BCAS3: variants seen among roughly 807,000 people sequenced by gnomAD.
The protein encoded by BCAS3 is BCAS4/BCAS3 fusion.
BCAS3 carries 53 observed loss-of-function variants against 116.1 expected under a neutral mutation model. The ratio of observed to expected loss-of-function variants is 0.46; its 90% CI spans 0.37 to 0.57. The LOEUF (loss-of-function observed/expected upper bound fraction) is 0.57. Ranked by LOEUF, BCAS3 falls within the 20% of genes least tolerant of loss-of-function variation. The pLI, the probability that BCAS3 is intolerant of heterozygous loss-of-function variation, is 0.00. For missense variants in BCAS3, 917 were observed against 1,165.4 expected (o/e 0.79, Z 3.10); for synonymous variants, 391 against 408.2 (o/e 0.96, Z 0.51).
rs549172370 is a variant in BCAS3, at chr17:60,961,423, A to G, written c.1221+14071A>G. ...CTGTCATGCAGGAGCTGCTGCTTCAATCTATAGGATCACAATAGTCACATT... is the reference window on the plus strand; with the variant it reads ...CTGTCATGCAGGAGCTGCTGCTTCAGTCTATAGGATCACAATAGTCACATT... On this transcript the variant is annotated intron_variant, in intron 14 of 23. Coordinates refer to ENST00000407086, the MANE Select transcript of BCAS3 (RefSeq NM_017679.5). The surrounding 1 kb of genome is among the most constrained non-coding windows in gnomAD (Gnocchi z 4.8). Among the ~76,000 whole-genome samples the G allele has an allele frequency of 1.6e-4, 24 of 152,148 alleles. No individual in the cohort carries two copies. The highest frequency in any genetic ancestry group is 2.5e-4 in the Non-Finnish European group (17 of 68,038).
intron 5 of BCAS3, chr17:60,727,234 G>T (rs1214797089): frequency 4.2e-6 from 4 of 951,376 alleles, no homozygotes; most frequent in Admixed American, 3.4e-5. Context: ...ATCTCTGAAT[G>T]ACCACCATCC....
Position 60,808,042 on chromosome 17 carries a change from C to G in BCAS3, c.442C>G (p.Leu148Val), listed in dbSNP as rs868267948. 1.9e-6 allele frequency: 3 copies of G among 1,609,354 alleles called. No homozygotes were observed. The highest frequency in any genetic ancestry group is 2.5e-6 in the Non-Finnish European group (3 of 1,177,616). ...KCDNFAEKRP[L>V]LGVCKSIGSS... is the part of the protein sequence containing the mutation. ...TGATAACTTTGCTGAAAAAAGACCC[C>G]TCCTTGGTGTTTGTAAGAGCATTGG... The change falls in exon 7 of 24, where the codon CTC becomes GTC. Residue 148 changes from leucine to valine, a missense_variant. Physicochemically the swap from Leu to Val is conservative, Grantham distance 32. Transcript: ENST00000407086.
intron 22 of BCAS3, among the ~76,000 whole-genome samples, chr17:61,133,793 C>T (rs971235838): frequency 7.1e-6 from 1 of 140,996 alleles, no homozygotes; most frequent in Non-Finnish European, 1.5e-5. Flanking sequence ...TCCTTAGCCT[C>T]CTGAAGCAAA....
rs951277395 is a variant in BCAS3 at position 60,967,421 on chromosome 17, T to G, written c.1221+20069T>G. ...CTGGGAAGTCTGTTGCCAGACAAAT[T>G]GGAGATACAGTGTTTGCTTCTTTTC... On this transcript the variant is annotated intron_variant, in intron 14 of 23. Transcript: ENST00000407086. The surrounding 1 kb of genome is among the most constrained non-coding windows in gnomAD (Gnocchi z 4.7). 7.2e-5 allele frequency among the ~76,000 whole-genome samples: 11 copies of G among 152,218 alleles called. No homozygotes were observed. The highest frequency in any genetic ancestry group is 4.6e-4 in the Admixed American group (7 of 15,284).
intron 22 of BCAS3, among the ~76,000 whole-genome samples, chr17:61,287,869 G>A (rs1296920647): frequency 6.6e-6 from 1 of 152,202 alleles, no homozygotes; most frequent in East Asian, 1.9e-4. Context: ...ATTGTTCTAA[G>A]TATTTTTGTT....
chr17:60,824,892 G>A (rs998699563), intron 7 of BCAS3, among the ~76,000 whole-genome samples: 2 of 152,172 alleles, frequency 1.3e-5, no homozygotes, highest in African/African-American at 2.4e-5. Flanking sequence ...TGGGCTGGGC[G>A]CAGTGGCTCT....
rs549613284 is a variant in BCAS3, at chr17:60,956,241, C to G, written c.1221+8889C>G. On this transcript the variant is annotated intron_variant, in intron 14 of 23. Transcript: ENST00000407086. The surrounding 1 kb of genome is among the most constrained non-coding windows in gnomAD (Gnocchi z 4.2). ...TAACTTGGTGTCTGTGTCCTTTTGA[C>G]ATATCTTCACCACTTTCTGAGCTTG... 6.6e-6 allele frequency among the ~76,000 whole-genome samples: 1 copy of G among 152,322 alleles called. No individual in the cohort carries two copies. Among genetic ancestry groups the G allele is most frequent in the South Asian group, 2.1e-4 (1 of 4,828 alleles).
chr17:60,732,202 T>C (rs2040526328), intron 5 of BCAS3, among the ~76,000 whole-genome samples: 1 of 152,218 alleles, frequency 6.6e-6, no homozygotes. Context: ...AATAGGATTT[T>C]ATTGGTGTTA....
intron 5 of BCAS3, among the ~76,000 whole-genome samples, chr17:60,712,248 C>T (rs891081007): frequency 6.6e-6 from 1 of 151,222 alleles, no homozygotes; most frequent in Non-Finnish European, 1.5e-5. Context: ...TAGTGGCATG[C>T]GCCTGTGGTT....
rs1333356616 is a variant in BCAS3, at chr17:61,387,916, C to T, written c.2594-4061C>T. Among the ~76,000 whole-genome samples, 2 of 152,298 alleles carry T rather than the reference C, an allele frequency of 1.3e-5. No individual in the cohort carries two copies. The highest frequency in any genetic ancestry group is 3.9e-4 in the East Asian group (2 of 5,178). ...GTCACAATGAGGTGACTGGGTCTAGCCACTTGCCTGGAAGCCACTCCTCCT... is the reference window on the plus strand; with the variant it reads ...GTCACAATGAGGTGACTGGGTCTAGTCACTTGCCTGGAAGCCACTCCTCCT... On this transcript the variant is annotated intron_variant, in intron 23 of 23. Transcript: ENST00000407086. This position sits in a 1 kb window ranked among gnomAD's most constrained non-coding sequence, Gnocchi z 6.2.
chr17:61,047,251 T>G (rs963815726), intron 19 of BCAS3, among the ~76,000 whole-genome samples: 5 of 152,026 alleles, frequency 3.3e-5, no homozygotes, highest in African/African-American at 7.2e-5. Flanking sequence ...TTTGGTGTAT[T>G]GTAAATTAGA....
rs2076347139 is a variant in BCAS3 at position 61,131,622 on chromosome 17, C to T, written c.2425+47058C>T. The stretch of plus-strand genomic sequence containing the variant: ...CATAAAGGCCTTTCTTCCTTGAGGT[C>T]TGTGAGCCTCCAGGCCTTTGCAGCC... On this transcript the variant is annotated intron_variant, in intron 22 of 23. Coordinates refer to ENST00000407086, the MANE Select transcript of BCAS3 (RefSeq NM_017679.5). The surrounding 1 kb of genome is among the most constrained non-coding windows in gnomAD (Gnocchi z 4.4). Among the ~76,000 whole-genome samples, 1 of 152,208 alleles carries T rather than the reference C, an allele frequency of 6.6e-6. No individual in the cohort carries two copies. The highest frequency in any genetic ancestry group is 1.5e-5 in the Non-Finnish European group (1 of 68,032).
chr17:60,722,228 C>G (rs2039315971), intron 5 of BCAS3, among the ~76,000 whole-genome samples: 1 of 152,144 alleles, frequency 6.6e-6, no homozygotes, highest in African/African-American at 2.4e-5. Context: ...CGTAAACACT[C>G]ATTTGTCTTG....
At chr17:60,769,371 G>C (rs1271367772) in intron 6 of BCAS3, among the ~76,000 whole-genome samples, 1 of 152,186 alleles carries the variant, frequency 6.6e-6, no homozygotes, top group Non-Finnish European at 1.5e-5. Flanking sequence ...TGGGATGTGT[G>C]GTTTTCTTGT....
intron 19 of BCAS3, among the ~76,000 whole-genome samples, chr17:61,049,125 C>T (rs1353534337): frequency 6.6e-6 from 1 of 151,694 alleles, no homozygotes; most frequent in Admixed American, 6.6e-5. Context: ...GAGTGAGACC[C>T]TGACTCTAAA....
intron 22 of BCAS3, among the ~76,000 whole-genome samples, chr17:61,125,441 A>G (rs2076001128): frequency 6.6e-6 from 1 of 152,202 alleles, no homozygotes; most frequent in Non-Finnish European, 1.5e-5. Flanking sequence ...GCATCAGAAA[A>G]TTATTCATAG....
intron 13 of BCAS3, among the ~76,000 whole-genome samples, chr17:60,946,533 T>C (rs1027008813): frequency 3.3e-5 from 5 of 152,088 alleles, no homozygotes; most frequent in African/African-American, 9.7e-5. Flanking sequence ...AGTAGATAAA[T>C]TGGAGCGTAG....
Position 61,171,452 on chromosome 17 carries a change from T to G in BCAS3, c.2425+86888T>G, listed in dbSNP as rs1215042717. 1.3e-5 allele frequency among the ~76,000 whole-genome samples: 2 copies of G among 152,098 alleles called. No homozygotes were observed. On this transcript the variant is annotated intron_variant, in intron 22 of 23. Coordinates refer to ENST00000407086, the MANE Select transcript of BCAS3 (RefSeq NM_017679.5). This position sits in a 1 kb window ranked among gnomAD's most constrained non-coding sequence, Gnocchi z 4.1. The stretch of plus-strand genomic sequence containing the variant: ...GATTTAAACTTGGCCATATCAAAAG[T>G]CATATTGAATGTAAATGGTCTAAAC...
intron 5 of BCAS3, among the ~76,000 whole-genome samples, chr17:60,745,375 A>G (rs766282370): frequency 6.6e-5 from 10 of 151,846 alleles, no homozygotes; most frequent in Non-Finnish European, 1.5e-4. Flanking sequence ...TCTTTTGGCT[A>G]TTGTTAAAAT....
Sources: allele counts gnomAD v4.1 joint callset (sites outside exome capture counted in the v4.1 genomes callset), GRCh38; gene constraint gnomAD v4.1.1; non-coding constraint Gnocchi (gnomAD v3.1); transcripts MANE v1.5; gene names NCBI Gene and HGNC (gene_info 2026-07-23, HGNC 2026-07-21).